FLNB: variants seen among roughly 807,000 people sequenced by gnomAD.
The protein encoded by FLNB is filamin B.
A neutral mutation model predicts 250.6 loss-of-function variants in FLNB; 111 were observed. The observed-to-expected ratio is 0.44, with a 90% CI of 0.38 to 0.52. The LOEUF (loss-of-function observed/expected upper bound fraction) is 0.52, where lower values mean the gene tolerates loss of function less well. FLNB is among the 20% of genes least tolerant of loss of function. The pLI is 0.00. For synonymous variants in FLNB, 1,302 were observed against 1,372.1 expected, an observed-to-expected ratio of 0.95 and a Z score of 1.13; for missense variants, 2,869 against 3,447.8, an observed-to-expected ratio of 0.83 and a Z score of 4.20.
At chr3:58,167,244 C>T (rs2097372214) in intron 43 of FLNB, among the ~76,000 whole-genome samples, 1 of 152,220 alleles carries the variant, frequency 6.6e-6, no homozygotes, top group African/African-American at 2.4e-5. Flanking sequence ...CCCCAGGCCT[C>T]AGAGCTGCTG....
At chr3:58,148,992 C>A in intron 36 of FLNB, 140 bp downstream of exon 36, 1 of 787,394 alleles carries the variant, frequency 1.3e-6, no homozygotes, top group Non-Finnish European at 2.2e-6. Context: ...CCTGCATTGT[C>A]TTTTATGCCT....
intron 1 of FLNB, among the ~76,000 whole-genome samples, chr3:58,018,384 G>C (rs1186805047): frequency 7.0e-6 from 1 of 143,136 alleles, no homozygotes; most frequent in Non-Finnish European, 1.5e-5. Context: ...CACCAGGCTG[G>C]AGTGTAGTGG....
chr3:58,025,782 C>T (rs973369869), intron 1 of FLNB, among the ~76,000 whole-genome samples: 4 of 152,130 alleles, frequency 2.6e-5, no homozygotes, highest in South Asian at 2.1e-4. Context: ...AAAAATTAGC[C>T]GGAGGTGGTA....
intron 3 of FLNB, 83 bp downstream of exon 3, chr3:58,078,897 C>A: frequency 2.0e-6 from 2 of 982,764 alleles, no homozygotes; most frequent in Non-Finnish European, 3.2e-6. Flanking sequence ...TCAGGCAGCC[C>A]GACCTTCTTG....
At position 58,105,156 on chromosome 3, in the gene FLNB, A is replaced by C. The variant is rs1472824413; in HGVS notation, c.1687A>C (p.Ile563Leu). The C allele has an allele frequency of 1.2e-6, 2 of 1,613,986 alleles. No homozygotes were observed. The highest frequency in any genetic ancestry group is 1.7e-6 in the Non-Finnish European group (2 of 1,180,046). The change falls in exon 11 of 46, where the codon ATT becomes CTT. Residue 563 changes from isoleucine (I) to leucine (L), a missense_variant. Physicochemically the swap from Ile to Leu is conservative, Grantham distance 5. Transcript: ENST00000295956. ...RAWGPGLHGG[I>L]VGRSADFVVE... Reference sequence around the variant, plus strand: ...TTGGGGCCCTGGGCTCCATGGTGGGATTGTCGGGCGGTCAGCGGACTTCGT... The same window carrying C: ...TTGGGGCCCTGGGCTCCATGGTGGGCTTGTCGGGCGGTCAGCGGACTTCGT...
At chr3:58,022,526 A>G (rs1439725684) in intron 1 of FLNB, among the ~76,000 whole-genome samples, 1 of 152,254 alleles carries the variant, frequency 6.6e-6, no homozygotes, top group Non-Finnish European at 1.5e-5. Flanking sequence ...GAAATTACTG[A>G]AAGTCACAAT....
rs1182922838 is a variant in FLNB at position 58,171,841 on chromosome 3, T to TTA, written c.*1081_*1082dup. On this transcript the variant is annotated 3_prime_UTR_variant, in exon 46 of 46. Coordinates refer to ENST00000295956, the MANE Select transcript of FLNB (RefSeq NM_001457.4). The surrounding 1 kb of genome is among the most constrained non-coding windows in gnomAD (Gnocchi z 5.5). ...GGTTGGGGGAGAGAAGGGCAGCAGC[T>TTA]TATTGGTGGTCTTTTCACCATTGGC... is the stretch of plus-strand genomic sequence containing the variant. The TTA allele has an allele frequency of 3.3e-5, 5 of 152,554 alleles. No individual in the cohort carries two copies. Among genetic ancestry groups the TTA allele is most frequent in the African/African-American group, 1.2e-4 (5 of 41,476 alleles). The allele number at this position is 152,554 out of a possible 1,614,324, so 9.5% of individuals were successfully genotyped here.
intron 18 of FLNB, among the ~76,000 whole-genome samples, chr3:58,113,507 T>C (rs1187752782): frequency 2.6e-5 from 4 of 152,182 alleles, no homozygotes; most frequent in African/African-American, 9.7e-5. Flanking sequence ...ATGGTGTAAC[T>C]GTCCCCTGAG....
intron 42 of FLNB, among the ~76,000 whole-genome samples, chr3:58,162,105 G>A (rs2097362772): frequency 6.6e-6 from 1 of 152,176 alleles, no homozygotes; most frequent in African/African-American, 2.4e-5. Flanking sequence ...GAGGCGGATG[G>A]GGACTGTTGG....
intron 1 of FLNB, among the ~76,000 whole-genome samples, chr3:58,057,948 G>T (rs1416249154): frequency 6.6e-6 from 1 of 151,996 alleles, no homozygotes; most frequent in Non-Finnish European, 1.5e-5. Context: ...GCGCCACCAC[G>T]CCGGGCTAAT....
At position 58,148,198 on chromosome 3, in the gene FLNB, T is replaced by C. The variant is rs1192515469; in HGVS notation, c.5729-8T>C. The stretch of plus-strand genomic sequence containing the variant: ...TAACGGGAGTCCTTTTTGGGGGATG[T>C]TTCCCAGATGACAGCAGGCGGTGCT... On this transcript the variant is annotated splice_region_variant and splice_polypyrimidine_tract_variant and intron_variant, in intron 34 of 45. Coordinates refer to ENST00000295956, the MANE Select transcript of FLNB (RefSeq NM_001457.4). 2 of 1,614,192 alleles carry C rather than the reference T, an allele frequency of 1.2e-6. No homozygotes were observed. Among genetic ancestry groups the C allele is most frequent in the Non-Finnish European group, 8.5e-7 (1 of 1,180,024 alleles).
chr3:58,038,597 T>TC (rs1396853399), intron 1 of FLNB, among the ~76,000 whole-genome samples: 1 of 147,062 alleles, frequency 6.8e-6, no homozygotes, highest in East Asian at 2.0e-4. Context: ...GTTAATTAAT[T>TC]TTTTTTTTTT....
rs5849235 is a variant in FLNB at position 58,080,494 on chromosome 3, A to ATT, written c.640-1118_640-1117dup. On this transcript the variant is annotated intron_variant, in intron 3 of 45. Transcript: ENST00000295956. ...ATCAAGAGAAGTTCACCCATTCCCT[A>ATT]TTTTTTTTTTTTTTTTTTGAGATGG... is the stretch of plus-strand genomic sequence containing the variant. Among the ~76,000 whole-genome samples the ATT allele has an allele frequency of 8.3e-3, 1,078 of 129,562 alleles. 35 individuals carry two copies. Among genetic ancestry groups the ATT allele is most frequent in the African/African-American group, 0.028 (978 of 34,850 alleles). The allele number at this position is 129,562 out of a possible 152,430, so 85.0% of individuals were successfully genotyped here. A position where few individuals can be genotyped will look rare whatever the true frequency, so the allele number is the denominator to read the frequency against.
intron 4 of FLNB, among the ~76,000 whole-genome samples, chr3:58,087,742 G>A (rs1285546333): frequency 2.6e-5 from 4 of 151,352 alleles, no homozygotes; most frequent in African/African-American, 4.9e-5. Context: ...GAGCCACTGC[G>A]CCCAGCCTTT....
At chr3:58,011,908 T>C (rs957897465) in intron 1 of FLNB, among the ~76,000 whole-genome samples, 2 of 152,142 alleles carry the variant, frequency 1.3e-5, no homozygotes, top group Non-Finnish European at 2.9e-5. Flanking sequence ...TGTCTAATAA[T>C]TATCTCAAAA....
At chr3:58,077,689 T>C (rs13085609) in intron 2 of FLNB, among the ~76,000 whole-genome samples, 38,903 of 152,174 alleles carry the variant, frequency 0.26, 6,005 homozygotes, top group Middle Eastern at 0.4. Context: ...AAAACTTCCA[T>C]GGAGTGGAAA....
At chr3:58,132,723 G>A in intron 25 of FLNB, 85 bp from the exon 26 acceptor site, 15 of 1,557,426 alleles carry the variant, frequency 9.6e-6, no homozygotes, top group Non-Finnish European at 1.3e-5. Flanking sequence ...TCTTGGGGAT[G>A]GATGTGGTCC....
chr3:58,013,180 T>G (rs557056818), intron 1 of FLNB, among the ~76,000 whole-genome samples: 4 of 152,242 alleles, frequency 2.6e-5, no homozygotes, highest in Non-Finnish European at 4.4e-5. Flanking sequence ...AAGGGGTCTC[T>G]CAGCCCAAGA....
At chr3:58,113,690 A>AT (rs1336741711) in intron 18 of FLNB, among the ~76,000 whole-genome samples, 2 of 152,052 alleles carry the variant, frequency 1.3e-5, no homozygotes. Flanking sequence ...TTATTTATTT[A>AT]TTTTTTAGAC....
Sources: gnomAD v4.1 joint callset for allele counts (sites outside exome capture counted in the v4.1 genomes callset) on GRCh38, gnomAD v4.1.1 for gene constraint, Gnocchi (gnomAD v3.1) non-coding constraint, MANE v1.5 for transcripts, NCBI Gene and HGNC (gene_info 2026-07-23, HGNC 2026-07-21) for gene names.